SENP7: variants seen among roughly 807,000 people sequenced by gnomAD.
The protein encoded by SENP7 is SUMO specific peptidase 7.
Under a neutral mutation model 141.2 loss-of-function variants are expected in SENP7, and 64 were observed. The observed-to-expected ratio is 0.45, with a 90% CI of 0.37 to 0.56. The LOEUF is 0.56. Among genes scored for constraint, SENP7 ranks in the 20% least tolerant of loss-of-function variants. The pLI, the probability that SENP7 is intolerant of heterozygous loss-of-function variation, is 0.00. For synonymous variants in SENP7, 382 were observed against 426.4 expected, an observed-to-expected ratio of 0.90 and a Z score of 1.28; for missense variants, 1,025 against 1,212.2, an observed-to-expected ratio of 0.85 and a Z score of 2.29.
At chr3:101,432,597 G>A (rs566607156) in intron 4 of SENP7, among the ~76,000 whole-genome samples, 1 of 152,212 alleles carries the variant, frequency 6.6e-6, no homozygotes, top group Admixed American at 6.5e-5. Context: ...AATAGAGACT[G>A]TATGTTTGGT....
chr3:101,479,921 A>ACAC (rs56375439), intron 3 of SENP7, among the ~76,000 whole-genome samples: 60 of 72,462 alleles, frequency 8.3e-4, no homozygotes, highest in Non-Finnish European at 1.2e-3. Context: ...AAAAAAAAAA[A>ACAC]ACACACACAC....
intron 6 of SENP7, among the ~76,000 whole-genome samples, chr3:101,390,908 G>T (rs2060799338): frequency 6.6e-6 from 1 of 152,078 alleles, no homozygotes; most frequent in Non-Finnish European, 1.5e-5. Flanking sequence ...TATCTTCTGA[G>T]ACTGCAATGA....
chr3:101,353,225 T>A (rs1384818065), intron 11 of SENP7, among the ~76,000 whole-genome samples: 1 of 151,972 alleles, frequency 6.6e-6, no homozygotes, highest in Non-Finnish European at 1.5e-5. Context: ...CTATAAAATA[T>A]ATCTTGGCAA....
In SENP7 at chr3:101,493,858, A is replaced by C; in HGVS notation, c.186+15T>G. The C allele has an allele frequency of 6.9e-7, 1 of 1,442,666 alleles. No individual in the cohort carries two copies. Among genetic ancestry groups the C allele is most frequent in the Non-Finnish European group, 9.6e-7 (1 of 1,039,544 alleles). The allele number at this position is 1,442,666 out of a possible 1,614,324, so 89.4% of individuals were successfully genotyped here. A position where few individuals can be genotyped will look rare whatever the true frequency, so the allele number is the denominator to read the frequency against. On this transcript the variant is annotated intron_variant, in intron 3 of 23. Transcript: ENST00000394095. ...TAAAACTGTATACTTAAAATAAATT[A>C]ATTTTATTTACCACCTGCAAAGGGA...
At position 101,332,243 on chromosome 3, in the gene SENP7, T is replaced by C; in HGVS notation, c.2574-134A>G. 3 of 835,956 alleles carry C rather than the reference T, an allele frequency of 3.6e-6. No individual in the cohort carries two copies. In the South Asian group the frequency reaches 6.0e-5, roughly 17 times the overall value. The allele number at this position is 835,956 out of a possible 1,614,324, so 51.8% of individuals were successfully genotyped here. A position where few individuals can be genotyped will look rare whatever the true frequency, so the allele number is the denominator to read the frequency against. On this transcript the variant is annotated intron_variant, in intron 18 of 23. Transcript: ENST00000394095. ...AGACATCCACTGTAACATCTCATTA[T>C]AATATAGAGCATACATATCAACACT...
intron 4 of SENP7, 152 bp downstream of exon 4, chr3:101,458,803 G>A (rs1160025187): frequency 5.5e-6 from 3 of 542,666 alleles, no homozygotes; most frequent in Non-Finnish European, 9.9e-6. Flanking sequence ...ATCACAGAAA[G>A]TTAGAGACTG....
At chr3:101,358,196 C>A in intron 11 of SENP7, 1 of 645,340 alleles carries the variant, frequency 1.5e-6, no homozygotes, top group Non-Finnish European at 2.6e-6. Context: ...GTGGCAAAAC[C>A]TTCACCTGGT....
chr3:101,358,393 CATAAG>C, intron 11 of SENP7: 2 of 477,904 alleles, frequency 4.2e-6, no homozygotes, highest in South Asian at 3.7e-5. Context: ...CCTTAATAAG[CATAAG>C]ATAATTTATA....
At chr3:101,390,369 C>T (rs1172586995) in intron 6 of SENP7, among the ~76,000 whole-genome samples, 17 of 146,784 alleles carry the variant, frequency 1.2e-4, no homozygotes, top group Admixed American at 1.1e-3. Flanking sequence ...ACATTCCACA[C>T]AAATGGAAAC....
chr3:101,367,865 A>G lies in SENP7; in HGVS notation c.943T>C (p.Tyr315His), dbSNP rs1457553388. The change falls in exon 8 of 24, where the codon TAT becomes CAT. Residue 315 changes from tyrosine (Y) to histidine (H), a missense_variant. By Grantham distance (83) the Tyr-to-His change is moderately conservative. Coordinates refer to ENST00000394095, the MANE Select transcript of SENP7 (RefSeq NM_020654.5). ...RLRNNLPDSQYCTSLDKSTEQ... is the reference protein window; with the variant it reads ...RLRNNLPDSQHCTSLDKSTEQ... ...GTTGACTTATCCAAAGAAGTACAAT[A>G]TTGAGAATCAGGTAAATTATTTCTA... 2 of 1,607,710 alleles carry G rather than the reference A, an allele frequency of 1.2e-6. No individual in the cohort carries two copies. The highest frequency in any genetic ancestry group is 1.3e-5 in the African/African-American group (1 of 74,762).
intron 4 of SENP7, among the ~76,000 whole-genome samples, chr3:101,437,325 G>C (rs753617757): frequency 1.3e-5 from 2 of 152,050 alleles, no homozygotes; most frequent in African/African-American, 4.8e-5. Flanking sequence ...GAGTAATATA[G>C]TCAATATTAC....
chr3:101,427,031 G>C (rs898224525), intron 4 of SENP7, among the ~76,000 whole-genome samples: 1 of 152,152 alleles, frequency 6.6e-6, no homozygotes, highest in African/African-American at 2.4e-5. Context: ...AAACTTGGCA[G>C]AGACAAAATG....
chr3:101,461,980 A>T (rs1468644368), intron 3 of SENP7, among the ~76,000 whole-genome samples: 1 of 152,226 alleles, frequency 6.6e-6, no homozygotes, highest in East Asian at 1.9e-4. Flanking sequence ...AACAGAAAAC[A>T]AAGTAGTAAT....
chr3:101,404,026 A>G (rs533051390), intron 5 of SENP7, among the ~76,000 whole-genome samples: 3 of 152,336 alleles, frequency 2.0e-5, no homozygotes, highest in East Asian at 3.9e-4. Context: ...TGCTATTCCT[A>G]TCATACTACC....
At chr3:101,340,014 T>C (rs556712897) in intron 16 of SENP7, 81 bp downstream of exon 16, 2 of 1,434,616 alleles carry the variant, frequency 1.4e-6, no homozygotes, top group Non-Finnish European at 1.8e-6. Flanking sequence ...GAATTTAAAA[T>C]AATTCAGAGA....
At chr3:101,362,742 G>T (rs186403470) in intron 10 of SENP7, among the ~76,000 whole-genome samples, 2 of 152,210 alleles carry the variant, frequency 1.3e-5, no homozygotes, top group East Asian at 3.9e-4. Context: ...AAATTTATAT[G>T]CTTTATTGTA....
intron 4 of SENP7, among the ~76,000 whole-genome samples, chr3:101,424,144 C>T (rs562414930): frequency 6.6e-6 from 1 of 152,214 alleles, no homozygotes; most frequent in South Asian, 2.1e-4. Flanking sequence ...CTCCCAGGGC[C>T]GCAGCCTGGT....
Position 101,367,950 on chromosome 3 carries a change from A to C in SENP7, c.858T>G (p.Val286=). The change falls in exon 8 of 24, where the codon GTT becomes GTG. Residue 286 remains valine, a synonymous_variant. Coordinates refer to ENST00000394095, the MANE Select transcript of SENP7 (RefSeq NM_020654.5). ...HLEQESRNKD[V]KYSDSKVELT... ...GTTCCACTTTTGAATCAGAATATTT[A>C]ACATCCTTGTTTCTGCTTTCCTGTT... The C allele has an allele frequency of 6.2e-7, 1 of 1,613,250 alleles. No individual in the cohort carries two copies. Among genetic ancestry groups the C allele is most frequent in the East Asian group, 2.2e-5 (1 of 44,742 alleles).
At chr3:101,357,666 C>A in intron 11 of SENP7, 1 of 752,614 alleles carries the variant, frequency 1.3e-6, no homozygotes, top group South Asian at 1.4e-5. Context: ...TTGACAACTA[C>A]CCAGAGAAAA....
Sources: allele counts gnomAD v4.1 joint callset (sites outside exome capture counted in the v4.1 genomes callset), GRCh38; gene constraint gnomAD v4.1.1; transcripts MANE v1.5; gene names NCBI Gene and HGNC (gene_info 2026-07-23, HGNC 2026-07-21).